RANBP2: variants seen among roughly 807,000 people sequenced by gnomAD.
RANBP2 encodes RAN binding protein 2.
Under a neutral mutation model 303.6 loss-of-function variants are expected in RANBP2, and 57 were observed. The ratio of observed to expected loss-of-function variants is 0.19; its 90% CI spans 0.15 to 0.23. The LOEUF is 0.23. Ranked by LOEUF, RANBP2 falls within the 10% of genes least tolerant of loss-of-function variation. The pLI is 1.00. For missense variants in RANBP2, 3,138 were observed against 3,780.8 expected (o/e 0.83, Z 4.46); for synonymous variants, 1,167 against 1,301.5 (o/e 0.90, Z 2.23).
At chr2:109,362,299 C>T in the RANBP2 span, among the ~76,000 whole-genome samples, 1 of 152,072 alleles carries the variant, frequency 6.6e-6, no homozygotes, top group Non-Finnish European at 1.5e-5. Flanking sequence ...TTTTAAATTT[C>T]TCTTGAGAGT....
chr2:109,127,053 G>T, the RANBP2 span, among the ~76,000 whole-genome samples: 4 of 152,314 alleles, frequency 2.6e-5, no homozygotes, highest in South Asian at 4.1e-4. Context: ...CCTTCCTTCG[G>T]CCCTCAAGGG....
chr2:109,626,857 G>A, the RANBP2 span, among the ~76,000 whole-genome samples: 1 of 152,172 alleles, frequency 6.6e-6, no homozygotes, highest in South Asian at 2.1e-4. Flanking sequence ...GGCCTTTCCT[G>A]GGCAGGGGAG....
At chr2:109,133,180 A>G in the RANBP2 span, among the ~76,000 whole-genome samples, 1 of 152,208 alleles carries the variant, frequency 6.6e-6, no homozygotes, top group African/African-American at 2.4e-5. Context: ...TGAGGGTTAC[A>G]AGGAAGGACA....
At chr2:109,568,748 TAA>T in the RANBP2 span, among the ~76,000 whole-genome samples, 1 of 152,160 alleles carries the variant, frequency 6.6e-6, no homozygotes, top group African/African-American at 2.4e-5. Flanking sequence ...TCAGCAAAAC[TAA>T]AAGACAGGTG....
chr2:109,734,582 A>C, the RANBP2 span, among the ~76,000 whole-genome samples: 1 of 152,214 alleles, frequency 6.6e-6, no homozygotes, highest in Non-Finnish European at 1.5e-5. Flanking sequence ...CAGCAAATTC[A>C]ATAAAATCTC....
chr2:109,171,441 C>G, the RANBP2 span, among the ~76,000 whole-genome samples: 4 of 152,364 alleles, frequency 2.6e-5, no homozygotes, highest in Admixed American at 6.5e-5. Flanking sequence ...CTCTTCCTAA[C>G]AAAAATGCTT....
chr2:109,082,403 C>T, the RANBP2 span, among the ~76,000 whole-genome samples: 2 of 152,048 alleles, frequency 1.3e-5, no homozygotes, highest in African/African-American at 4.8e-5. Context: ...CGGGTTCACA[C>T]CATTCTCCTG....
chr2:109,170,766 C>T, the RANBP2 span, among the ~76,000 whole-genome samples: 2 of 152,312 alleles, frequency 1.3e-5, no homozygotes, highest in Middle Eastern at 6.8e-3. Context: ...TCAAGGGGTG[C>T]GGATGACCCA....
the RANBP2 span, chr2:108,791,476 A>C: frequency 1.0e-5 from 6 of 593,212 alleles, no homozygotes; most frequent in Non-Finnish European, 1.9e-5. Context: ...GTGTAGAAAA[A>C]GATGCTTGTA....
At chr2:108,803,524 G>A in the RANBP2 span, among the ~76,000 whole-genome samples, 9 of 152,164 alleles carry the variant, frequency 5.9e-5, no homozygotes, top group Admixed American at 4.6e-4. Context: ...CGTCATCATA[G>A]CTCACTGCAC....
intron 5 of RANBP2, 80 bp downstream of exon 5, chr2:108,735,842 C>T (rs569815240): frequency 1.1e-4 from 180 of 1,594,604 alleles, no homozygotes; most frequent in Middle Eastern, 2.3e-4. Flanking sequence ...AGCAGTGCCC[C>T]GCAGGACTTA....
At chr2:109,309,589 G>GCT in the RANBP2 span, among the ~76,000 whole-genome samples, 3 of 129,296 alleles carry the variant, frequency 2.3e-5, no homozygotes, top group Admixed American at 7.5e-5. Context: ...CCATCAGTGT[G>GCT]CTGTATTCAG....
chr2:108,919,333 T>C, the RANBP2 span, among the ~76,000 whole-genome samples: 1 of 152,186 alleles, frequency 6.6e-6, no homozygotes, highest in Admixed American at 6.5e-5. Context: ...TATTGCGTTC[T>C]TTCATTAACC....
chr2:109,720,191 C>T, the RANBP2 span, among the ~76,000 whole-genome samples: 78 of 152,086 alleles, frequency 5.1e-4, no homozygotes, highest in African/African-American at 1.9e-3. Context: ...CCTCCTCCTG[C>T]ACGCCTCCAC....
At chr2:109,295,014 G>A in the RANBP2 span, among the ~76,000 whole-genome samples, 1 of 152,262 alleles carries the variant, frequency 6.6e-6, no homozygotes, top group African/African-American at 2.4e-5. Context: ...CTATTCCATG[G>A]ATTAGCCATC....
the RANBP2 span, among the ~76,000 whole-genome samples, chr2:109,255,846 G>C: frequency 6.6e-6 from 1 of 152,224 alleles, no homozygotes; most frequent in East Asian, 1.9e-4. Flanking sequence ...TTTTCAGAAA[G>C]AGAAGACAGT....
the RANBP2 span, among the ~76,000 whole-genome samples, chr2:109,647,352 C>G: frequency 6.6e-6 from 1 of 151,658 alleles, no homozygotes; most frequent in East Asian, 1.9e-4. Context: ...TTAGTAGAGA[C>G]GGGGTTTCAC....
downstream of RANBP2, chr2:108,788,743 T>C: frequency 7.1e-7 from 1 of 1,401,300 alleles, no homozygotes; most frequent in Non-Finnish European, 9.5e-7. Flanking sequence ...GAAAAAAAAA[T>C]TTGAGAGAGA....
the RANBP2 span, among the ~76,000 whole-genome samples, chr2:109,610,810 C>G: frequency 1.3e-5 from 2 of 152,190 alleles, no homozygotes; most frequent in Non-Finnish European, 2.9e-5. Flanking sequence ...TCGATATAAA[C>G]ATTTAATGTA....
Sources: allele counts gnomAD v4.1 joint callset (sites outside exome capture counted in the v4.1 genomes callset), GRCh38; gene constraint gnomAD v4.1.1; transcripts MANE v1.5; gene names NCBI Gene and HGNC (gene_info 2026-07-23, HGNC 2026-07-21).